The following SLC30A8 variants were observed in gnomAD, a reference collection of about 807,000 sequenced individuals.
SLC30A8 encodes the protein solute carrier family 30 member 8.
Under a neutral mutation model 36.9 loss-of-function variants are expected in SLC30A8, and 27 were observed. The observed-to-expected ratio is 0.73, with a 90% CI of 0.54 to 1.01. The LOEUF (loss-of-function observed/expected upper bound fraction) is 1.01, where lower values mean the gene tolerates loss of function less well. Ranked by LOEUF, SLC30A8 falls within the 50% of genes least tolerant of loss-of-function variation. The pLI is 0.00. For synonymous variants in SLC30A8, 164 were observed against 172.4 expected (o/e 0.95, Z 0.38); for missense variants, 439 against 452.0 (o/e 0.97, Z 0.26).
chr8:116,966,126 C>T (rs549088183), intron 1 of SLC30A8, among the ~76,000 whole-genome samples: 2 of 152,222 alleles, frequency 1.3e-5, no homozygotes, highest in Non-Finnish European at 2.9e-5. Flanking sequence ...TCAGGCAATT[C>T]GCCCGTCTCG....
At chr8:117,012,667 AGT>A (rs76378081) in intron 1 of SLC30A8, among the ~76,000 whole-genome samples, 2,123 of 140,380 alleles carry the variant, frequency 0.015, 24 homozygotes, top group Non-Finnish European at 0.02. Context: ...ACTGTATATA[AGT>A]GTGTGTGTGT....
chr8:117,157,006 G>A (rs533282141), intron 3 of SLC30A8, among the ~76,000 whole-genome samples: 1 of 152,306 alleles, frequency 6.6e-6, no homozygotes, highest in South Asian at 2.1e-4. Flanking sequence ...AGGTCAGAGT[G>A]AGGTGTTAAC....
chr8:117,036,291 C>G lies in SLC30A8; in HGVS notation c.-265-2928C>G, dbSNP rs185993139. On this transcript the variant is annotated intron_variant, in intron 1 of 10. Transcript: ENST00000427715. ...TTGGTCAAAACCATTCAACAAATCT[C>G]TAGGAAGTTCCAAACTTTCCCATAT... Among the ~76,000 whole-genome samples, 1,040 of 152,272 alleles carry G rather than the reference C, an allele frequency of 6.8e-3. 11 individuals are homozygous for G. Among genetic ancestry groups the G allele is most frequent in the African/African-American group, 0.024 (999 of 41,534 alleles).
intron 1 of SLC30A8, among the ~76,000 whole-genome samples, chr8:116,988,665 G>A (rs1160805426): frequency 6.6e-6 from 1 of 152,200 alleles, no homozygotes; most frequent in Non-Finnish European, 1.5e-5. Context: ...AATTGTCAAA[G>A]ACCATGCTGG....
chr8:117,112,409 A>C (rs914951380), intron 2 of SLC30A8, among the ~76,000 whole-genome samples: 2 of 152,156 alleles, frequency 1.3e-5, no homozygotes, highest in Admixed American at 1.3e-4. Context: ...TTTGAAGTAC[A>C]GCCCCTGCCA....
rs16889340 is a variant in SLC30A8 at position 117,027,122 on chromosome 8, G to A, written c.-265-12097G>A. 8.9e-3 allele frequency among the ~76,000 whole-genome samples: 1,359 copies of A among 152,262 alleles called. 21 individuals carry two copies. Among genetic ancestry groups the A allele is most frequent in the African/African-American group, 0.03 (1,249 of 41,552 alleles). On this transcript the variant is annotated intron_variant, in intron 1 of 10. Coordinates refer to the SLC30A8 transcript ENST00000427715. Reference sequence around the variant, plus strand: ...GTCTTGCAGGAGGTATACTGAGAATGAAAACATGGTGTATTTTTCTGGCTG... The same window carrying A: ...GTCTTGCAGGAGGTATACTGAGAATAAAAACATGGTGTATTTTTCTGGCTG...
intron 1 of SLC30A8, among the ~76,000 whole-genome samples, chr8:116,999,097 A>G (rs1376821785): frequency 6.6e-6 from 1 of 152,114 alleles, no homozygotes; most frequent in Non-Finnish European, 1.5e-5. Context: ...TGTCTCTACT[A>G]AAAATACAAA....
intron 6 of SLC30A8, among the ~76,000 whole-genome samples, chr8:117,170,682 C>A (rs1308415804): frequency 6.6e-6 from 1 of 152,116 alleles, no homozygotes; most frequent in Non-Finnish European, 1.5e-5. Context: ...AGGATGCTAA[C>A]CCATGATTAT....
chr8:116,952,362 TAATTA>T (rs1246453512), intron 1 of SLC30A8, among the ~76,000 whole-genome samples: 1 of 152,162 alleles, frequency 6.6e-6, no homozygotes, highest in African/African-American at 2.4e-5. Flanking sequence ...AATATACAAA[TAATTA>T]AATAATTCTA....
At chr8:117,079,520 T>C (rs1818596136) in intron 2 of SLC30A8, among the ~76,000 whole-genome samples, 1 of 152,144 alleles carries the variant, frequency 6.6e-6, no homozygotes, top group African/African-American at 2.4e-5. Context: ...ACTATTCTCC[T>C]TGCTAATGAT....
chr8:117,049,934 A>T (rs1817659358), intron 2 of SLC30A8, among the ~76,000 whole-genome samples: 1 of 152,096 alleles, frequency 6.6e-6, no homozygotes, highest in South Asian at 2.1e-4. Flanking sequence ...CTCATCTGGG[A>T]TCTATTTTAA....
chr8:117,086,896 T>C (rs1170614714), intron 2 of SLC30A8, among the ~76,000 whole-genome samples: 1 of 152,020 alleles, frequency 6.6e-6, no homozygotes, highest in African/African-American at 2.4e-5. Context: ...CAGGAGAAAA[T>C]AAAGTATCAA....
intron 1 of SLC30A8, among the ~76,000 whole-genome samples, chr8:117,146,588 TTTA>T (rs1327219297): frequency 6.6e-6 from 1 of 151,354 alleles, no homozygotes; most frequent in African/African-American, 2.4e-5. Context: ...CCTAATTTAT[TTTA>T]TTATTATTTT....
Position 117,076,325 on chromosome 8 carries a change from A to G in SLC30A8, c.-226+37067A>G, listed in dbSNP as rs150026098. On this transcript the variant is annotated intron_variant, in intron 2 of 10. Transcript: ENST00000427715. ...AGTCTATTTTTCTGTATTTACTGAA[A>G]TTGAAGAGCTAGAGTTTTTCCCTTT... 4.8e-3 allele frequency among the ~76,000 whole-genome samples: 731 copies of G among 152,350 alleles called. 7 individuals are homozygous for G. The highest frequency in any genetic ancestry group is 0.017 in the African/African-American group (693 of 41,572).
intron 2 of SLC30A8, among the ~76,000 whole-genome samples, chr8:117,047,512 A>G (rs565778064): frequency 6.8e-4 from 104 of 152,280 alleles, no homozygotes; most frequent in African/African-American, 2.4e-3. Context: ...TATTGAGTAC[A>G]GTTTCAAGGT....
chr8:116,979,238 C>CAAAAAAAAAAAAAAAAAAAAAA (rs67998633), intron 1 of SLC30A8, among the ~76,000 whole-genome samples: 1 of 64,308 alleles, frequency 1.6e-5, no homozygotes, highest in African/African-American at 5.8e-5. Flanking sequence ...GACCCTGTCT[C>CAAAAAAAAAAAAAAAAAAAAAA]AAAAAAAAAA....
chr8:117,071,495 T>A (rs928473851), intron 2 of SLC30A8, among the ~76,000 whole-genome samples: 33 of 152,222 alleles, frequency 2.2e-4, no homozygotes, highest in Non-Finnish European at 3.2e-4. Flanking sequence ...TCTCATTTTG[T>A]GGATTATCTC....
At chr8:116,956,272 G>A (rs903255097) in intron 1 of SLC30A8, among the ~76,000 whole-genome samples, 3 of 152,174 alleles carry the variant, frequency 2.0e-5, no homozygotes, top group Non-Finnish European at 2.9e-5. Context: ...AGGCAGCAGA[G>A]GGGTTCAAGG....
chr8:117,033,423 C>T (rs1817116597), intron 1 of SLC30A8, among the ~76,000 whole-genome samples: 1 of 152,136 alleles, frequency 6.6e-6, no homozygotes, highest in South Asian at 2.1e-4. Context: ...CAATAGGTAA[C>T]TTCATAAAAA....
Sources: gnomAD v4.1 joint callset for allele counts (sites outside exome capture counted in the v4.1 genomes callset) on GRCh38, gnomAD v4.1.1 for gene constraint, MANE v1.5 for transcripts, NCBI Gene and HGNC (gene_info 2026-07-23, HGNC 2026-07-21) for gene names.